Variants in PAX2 observed in about 807,000 individuals in gnomAD.
PAX2 encodes paired box 2.
PAX2 carries 9 observed loss-of-function variants against 41.7 expected under a neutral mutation model. The observed-to-expected ratio is 0.22, with a 90% CI of 0.13 to 0.38. PAX2 has a LOEUF of 0.38. PAX2 is among the 10% of genes least tolerant of loss of function. PAX2 has a pLI of 1.00. For synonymous variants in PAX2, 221 were observed against 212.7 expected (o/e 1.04, Z -0.34); for missense variants, 418 against 531.6 (o/e 0.79, Z 2.10).
intron 1 of PAX2, among the ~76,000 whole-genome samples, chr10:100,737,047 T>C (rs1844796981): frequency 6.6e-6 from 1 of 152,166 alleles, no homozygotes; most frequent in South Asian, 2.1e-4. Context: ...CCAAACTCTT[T>C]CTGAATCTAT....
At chr10:100,809,301 C>T (rs1327262084) in intron 7 of PAX2, 65 bp downstream of exon 7, 8 of 1,501,766 alleles carry the variant, frequency 5.3e-6, no homozygotes, top group Non-Finnish European at 6.4e-6. Flanking sequence ...CCCATGCCAT[C>T]TGAGGCCCAG....
intron 5 of PAX2, among the ~76,000 whole-genome samples, chr10:100,788,946 C>T (rs1184879195): frequency 1.3e-5 from 2 of 151,964 alleles, no homozygotes; most frequent in Non-Finnish European, 2.9e-5. Context: ...CTAGAGAAGA[C>T]GGGGAGAAGG....
chr10:100,741,409 C>CAAA (rs71013465), upstream of PAX2, among the ~76,000 whole-genome samples: 14 of 111,292 alleles, frequency 1.3e-4, no homozygotes, highest in African/African-American at 4.3e-4. Flanking sequence ...GAAGCTCTTC[C>CAAA]AAAAAAAAAA....
At chr10:100,804,758 G>A (rs958141945) in intron 5 of PAX2, among the ~76,000 whole-genome samples, 7 of 152,128 alleles carry the variant, frequency 4.6e-5, no homozygotes, top group African/African-American at 1.7e-4. Flanking sequence ...TCACACAAAA[G>A]GGAAAAATAA....
chr10:100,762,442 A>G (rs561660233), intron 3 of PAX2, among the ~76,000 whole-genome samples: 1 of 152,318 alleles, frequency 6.6e-6, no homozygotes, highest in East Asian at 1.9e-4. Context: ...TCTCATAAGA[A>G]TAAACAAATG....
intron 5 of PAX2, among the ~76,000 whole-genome samples, chr10:100,803,366 C>T (rs1356850103): frequency 2.6e-5 from 4 of 151,992 alleles, no homozygotes; most frequent in African/African-American, 7.2e-5. Context: ...AGGGCTTCTC[C>T]CAACCTCCTT....
chr10:100,806,758 G>A (rs1486302414), intron 6 of PAX2, among the ~76,000 whole-genome samples, 153 bp downstream of exon 6: 1 of 152,216 alleles, frequency 6.6e-6, no homozygotes, highest in East Asian at 1.9e-4. Flanking sequence ...AGGCTCACAT[G>A]AGACAGTATG....
In PAX2 at chr10:100,791,683, C is replaced by A. The variant is rs183607742; in HGVS notation, c.616+10318C>A. ...CTTGCTGGCTCACACAGATCTCCCT[C>A]GGCCCAGGCAGCCTGGGAAGCCTGG... On this transcript the variant is annotated intron_variant, in intron 5 of 9. Transcript: ENST00000355243. This position sits in a 1 kb window ranked among gnomAD's most constrained non-coding sequence, Gnocchi z 4.5. 6.6e-6 allele frequency among the ~76,000 whole-genome samples: 1 copy of A among 152,176 alleles called. No individual in the cohort carries two copies. Among genetic ancestry groups the A allele is most frequent in the Non-Finnish European group, 1.5e-5 (1 of 68,028 alleles).
intron 5 of PAX2, among the ~76,000 whole-genome samples, chr10:100,795,989 C>T (rs968608628): frequency 1.3e-5 from 2 of 152,202 alleles, no homozygotes; most frequent in African/African-American, 4.8e-5. Context: ...TTCTCCAAGG[C>T]CCTTTTTTGT....
At chr10:100,741,922 C>A (rs1309874278), upstream of PAX2, among the ~76,000 whole-genome samples, 1 of 152,228 alleles carries the variant, frequency 6.6e-6, no homozygotes, top group Non-Finnish European at 1.5e-5. Flanking sequence ...CTCCCTCAGA[C>A]CCCGGTCCTA....
rs968689897 is a variant in PAX2, at chr10:100,829,199, T to C, written c.*1580T>C. The C allele has an allele frequency of 8.6e-6, 2 of 232,316 alleles. No homozygotes were observed. The highest frequency in any genetic ancestry group is 5.6e-5 in the Admixed American group (1 of 17,706). 14.4% of individuals were successfully genotyped at this position (232,316 alleles called of 1,614,324 possible). ...TGGCTCTTTCTCTGTAATTCCGTGT[T>C]TTCGCTTTTTCCTCCCTGCCCCTCT... On this transcript the variant is annotated 3_prime_UTR_variant, in exon 10 of 10. Transcript: ENST00000355243.
At chr10:100,819,084 T>TA (rs1848286988) in intron 7 of PAX2, among the ~76,000 whole-genome samples, 1 of 151,470 alleles carries the variant, frequency 6.6e-6, no homozygotes. Context: ...CTGTCTCTAC[T>TA]AAAAAATACA....
In PAX2 at chr10:100,790,295, G is replaced by A. The variant is rs1006680045; in HGVS notation, c.616+8930G>A. ...TCCACCGCTGGAAATTGGGGTGGGC[G>A]GGTGTAGGTATACCACTGTCTCAGC... is the stretch of plus-strand genomic sequence containing the variant. On this transcript the variant is annotated intron_variant, in intron 5 of 9. Coordinates refer to ENST00000355243, the MANE Select transcript of PAX2 (RefSeq NM_000278.5). Among the ~76,000 whole-genome samples, 11 of 152,180 alleles carry A rather than the reference G, an allele frequency of 7.2e-5. No homozygotes were observed. The South Asian group carries it at 1.0e-3, about 14-fold the overall frequency.
Position 100,828,696 on chromosome 10 carries a change from G to T in PAX2, c.*1077G>T, listed in dbSNP as rs1165008646. 29 of 233,514 alleles carry T rather than the reference G, an allele frequency of 1.2e-4. No individual in the cohort carries two copies. The East Asian group carries it at 1.7e-3, about 14-fold the overall frequency. 14.5% of individuals were successfully genotyped at this position (233,514 alleles called of 1,614,324 possible). A position where few individuals can be genotyped will look rare whatever the true frequency, so the allele number is the denominator to read the frequency against. On this transcript the variant is annotated 3_prime_UTR_variant, in exon 10 of 10. Transcript: ENST00000355243. The surrounding 1 kb of genome is among the most constrained non-coding windows in gnomAD (Gnocchi z 6.5). ...GTTCTGAGCTGGCGTCTGAGCTGCT[G>T]CGGGGTGGAAGTGGGGGGCTGCCCA... is the stretch of plus-strand genomic sequence containing the variant.
intron 3 of PAX2, among the ~76,000 whole-genome samples, chr10:100,760,930 G>T (rs11591622): frequency 0.26 from 39,364 of 152,126 alleles, 5,877 homozygotes; most frequent in Middle Eastern, 0.4. Flanking sequence ...CAGGCAGCCT[G>T]CCGACTGTGA....
At chr10:100,788,398 G>T (rs887276976) in intron 5 of PAX2, among the ~76,000 whole-genome samples, 11 of 152,248 alleles carry the variant, frequency 7.2e-5, no homozygotes, top group African/African-American at 2.7e-4. Flanking sequence ...GGAGGGCTGG[G>T]GTCAGTAAAG....
chr10:100,746,452 C>G, intron 1 of PAX2, 149 bp downstream of exon 1: 1 of 728,234 alleles, frequency 1.4e-6, no homozygotes, highest in South Asian at 1.5e-5. Flanking sequence ...TTCTCTCCCT[C>G]GCCCGGTGTT....
At chr10:100,739,715 C>T (rs1198324390) in intron 1 of PAX2, among the ~76,000 whole-genome samples, 1 of 152,264 alleles carries the variant, frequency 6.6e-6, no homozygotes, top group African/African-American at 2.4e-5. Context: ...TCCGCAGGTC[C>T]CACGGTCGCG....
Position 100,827,766 on chromosome 10 carries a change from G to A in PAX2, c.*147G>A. On this transcript the variant is annotated 3_prime_UTR_variant, in exon 10 of 10. Transcript: ENST00000355243. This position sits in a 1 kb window ranked among gnomAD's most constrained non-coding sequence, Gnocchi z 8.5. ...AGCCTCACCCCATCCCACGACCCCC[G>A]CAACCCTTCACATCACCCCCCTCGA... 2.3e-6 allele frequency: 3 copies of A among 1,289,622 alleles called. No homozygotes were observed. Among genetic ancestry groups the A allele is most frequent in the Non-Finnish European group, 2.2e-6 (2 of 902,080 alleles). The allele number at this position is 1,289,622 out of a possible 1,614,324, so 79.9% of individuals were successfully genotyped here. A position where few individuals can be genotyped will look rare whatever the true frequency, so the allele number is the denominator to read the frequency against.
Sources: allele counts gnomAD v4.1 joint callset (sites outside exome capture counted in the v4.1 genomes callset), GRCh38; gene constraint gnomAD v4.1.1; non-coding constraint Gnocchi (gnomAD v3.1); transcripts MANE v1.5; gene names NCBI Gene and HGNC (gene_info 2026-07-23, HGNC 2026-07-21).